The following MAPRE2 variants were observed in gnomAD, a reference collection of about 807,000 sequenced individuals.
MAPRE2 encodes microtubule associated protein RP/EB family member 2.
In MAPRE2, 13 loss-of-function variants were observed where a neutral mutation model predicts 43.2. The observed-to-expected ratio is 0.30, with a 90% confidence interval of 0.20 to 0.48. The LOEUF is 0.48. Among genes scored for constraint, MAPRE2 ranks in the 20% least tolerant of loss-of-function variants. MAPRE2 has a pLI of 0.99. For synonymous variants in MAPRE2, 135 were observed against 148.8 expected (o/e 0.91, Z 0.68); for missense variants, 161 against 400.2 (o/e 0.40, Z 5.10).
intron 2 of MAPRE2, among the ~76,000 whole-genome samples, chr18:35,010,922 AT>A (rs2097034239): frequency 6.6e-6 from 1 of 152,198 alleles, no homozygotes; most frequent in Non-Finnish European, 1.5e-5. Context: ...GTGGGTATGA[AT>A]GTCTGTTATA....
intron 2 of MAPRE2, among the ~76,000 whole-genome samples, chr18:35,089,547 A>C (rs1304171191): frequency 3.9e-5 from 6 of 152,176 alleles, no homozygotes; most frequent in African/African-American, 1.4e-4. Flanking sequence ...AAAAAGCACA[A>C]GGAAAAGATG....
At chr18:35,126,881 T>G (rs1325411344) in intron 4 of MAPRE2, 67 bp from the exon 5 acceptor site, 1 of 1,402,490 alleles carries the variant, frequency 7.1e-7, no homozygotes, top group Non-Finnish European at 9.9e-7. Flanking sequence ...ATATCATTCA[T>G]TTTCTATGTA....
intron 6 of MAPRE2, among the ~76,000 whole-genome samples, chr18:35,133,504 T>C (rs770155715): frequency 6.6e-6 from 1 of 152,188 alleles, no homozygotes; most frequent in Non-Finnish European, 1.5e-5. Flanking sequence ...CTAGATGGAC[T>C]ATGGTTATTC....
chr18:35,084,893 AT>A (rs1907798528), intron 2 of MAPRE2, among the ~76,000 whole-genome samples: 1 of 152,170 alleles, frequency 6.6e-6, no homozygotes, highest in Non-Finnish European at 1.5e-5. Flanking sequence ...TTATTTTGGC[AT>A]TTGTGGCTCG....
intron 2 of MAPRE2, among the ~76,000 whole-genome samples, chr18:35,093,248 A>G (rs1326720895): frequency 6.9e-6 from 1 of 144,514 alleles, no homozygotes; most frequent in Non-Finnish European, 1.5e-5. Context: ...AGGAATGGCT[A>G]TTATCAAAAA....
intron 2 of MAPRE2, among the ~76,000 whole-genome samples, chr18:35,016,341 G>T (rs1199338284): frequency 1.3e-5 from 2 of 151,764 alleles, no homozygotes; most frequent in African/African-American, 4.8e-5. Context: ...TGGGATACCT[G>T]GGTTGAATGT....
intron 1 of MAPRE2, among the ~76,000 whole-genome samples, chr18:35,047,833 C>G (rs900796068): frequency 6.6e-6 from 1 of 151,898 alleles, no homozygotes; most frequent in African/African-American, 2.4e-5. Flanking sequence ...TCTAAGGGAG[C>G]AGAAGTTTGT....
At chr18:35,014,036 TGA>T (rs200662533) in intron 2 of MAPRE2, among the ~76,000 whole-genome samples, 2,710 of 152,242 alleles carry the variant, frequency 0.018, 91 homozygotes, top group African/African-American at 0.061. Context: ...ACCAGGGCTT[TGA>T]AAAGGCAGGA....
At chr18:35,052,679 G>T (rs1405240692) in intron 1 of MAPRE2, among the ~76,000 whole-genome samples, 1 of 152,114 alleles carries the variant, frequency 6.6e-6, no homozygotes, top group Non-Finnish European at 1.5e-5. Context: ...ATTCCTAGCA[G>T]CACAGTATGA....
intron 5 of MAPRE2, among the ~76,000 whole-genome samples, chr18:35,129,454 G>T (rs1273679745): frequency 6.6e-6 from 1 of 152,172 alleles, no homozygotes; most frequent in East Asian, 1.9e-4. Context: ...CATTTGCTTG[G>T]CCTCCTGCAT....
intron 1 of MAPRE2, among the ~76,000 whole-genome samples, chr18:35,000,796 T>C (rs931775567): frequency 3.9e-5 from 6 of 152,184 alleles, no homozygotes; most frequent in African/African-American, 1.4e-4. Flanking sequence ...TAAAAGTCAG[T>C]ATGATCTTTC....
chr18:35,041,967 G>A (rs927462034), intron 1 of MAPRE2, among the ~76,000 whole-genome samples: 1 of 152,226 alleles, frequency 6.6e-6, no homozygotes, highest in African/African-American at 2.4e-5. Context: ...AGGGAGACAG[G>A]CAGTAGCACT....
chr18:34,979,119 G>A, intron 1 of MAPRE2, among the ~76,000 whole-genome samples: 1 of 152,160 alleles, frequency 6.6e-6, no homozygotes, highest in South Asian at 2.1e-4. Context: ...ACACCCTGGG[G>A]CGGGGAACTG....
rs1910747187 is a variant in MAPRE2 at position 35,143,221 on chromosome 18, G to A, written c.*2852G>A. 1 of 151,824 alleles carries A rather than the reference G, an allele frequency of 6.6e-6. No individual in the cohort carries two copies. Among genetic ancestry groups the A allele is most frequent in the Non-Finnish European group, 1.5e-5 (1 of 67,988 alleles). 9.4% of individuals were successfully genotyped at this position (151,824 alleles called of 1,614,324 possible). A position where few individuals can be genotyped will look rare whatever the true frequency, so the allele number is the denominator to read the frequency against. On this transcript the variant is annotated 3_prime_UTR_variant, in exon 7 of 7. Transcript: ENST00000300249. Reference sequence around the variant, plus strand: ...CATTCAGATTACTTTTACTAAATAGGACACCATAAAGCTTTTGTTATATAT... The same window carrying A: ...CATTCAGATTACTTTTACTAAATAGAACACCATAAAGCTTTTGTTATATAT...
At chr18:35,018,579 T>C (rs540386478) in intron 2 of MAPRE2, among the ~76,000 whole-genome samples, 1 of 152,090 alleles carries the variant, frequency 6.6e-6, no homozygotes, top group South Asian at 2.1e-4. Context: ...CAGGAATTTA[T>C]CCATTTCCTC....
chr18:35,027,052 AC>A (rs2097045611), intron 2 of MAPRE2, among the ~76,000 whole-genome samples: 1 of 152,224 alleles, frequency 6.6e-6, no homozygotes. Flanking sequence ...CCGAAGTTGA[AC>A]ATTCATTCTT....
chr18:35,139,876 C>G (rs763394289), intron 6 of MAPRE2, among the ~76,000 whole-genome samples: 21 of 152,096 alleles, frequency 1.4e-4, no homozygotes, highest in Admixed American at 3.3e-4. Context: ...GGAGTGACAC[C>G]CCCCACCAAA....
chr18:35,069,459 A>C (rs1906999954), intron 1 of MAPRE2, among the ~76,000 whole-genome samples: 1 of 152,194 alleles, frequency 6.6e-6, no homozygotes, highest in Admixed American at 6.5e-5. Context: ...CACTTACTCC[A>C]AAATAATCTG....
intron 2 of MAPRE2, among the ~76,000 whole-genome samples, chr18:35,077,328 AT>A (rs1371131937): frequency 5.3e-5 from 8 of 152,002 alleles, no homozygotes; most frequent in East Asian, 1.9e-4. Context: ...GGAATCTCAT[AT>A]TTTTTTCCCC....
Sources: gnomAD v4.1 joint callset for allele counts (sites outside exome capture counted in the v4.1 genomes callset) on GRCh38, gnomAD v4.1.1 for gene constraint, MANE v1.5 for transcripts, NCBI Gene and HGNC (gene_info 2026-07-23, HGNC 2026-07-21) for gene names.